FXYD7: variants seen among roughly 807,000 people sequenced by gnomAD.
The protein encoded by FXYD7 is FXYD domain-containing ion transport regulator 7.
FXYD7 carries 7 observed loss-of-function variants against 15.3 expected under a neutral mutation model. That is an observed-to-expected ratio of 0.46 (90% CI 0.26 to 0.86). The LOEUF (loss-of-function observed/expected upper bound fraction) is 0.86, where lower values mean the gene tolerates loss of function less well. FXYD7 is among the 40% of genes least tolerant of loss of function. FXYD7 has a pLI of 0.16. For missense variants in FXYD7, 78 were observed against 100.6 expected, an observed-to-expected ratio of 0.78 and a Z score of 0.96; for synonymous variants, 39 against 39.3, an observed-to-expected ratio of 0.99 and a Z score of 0.03.
In FXYD7 at chr19:35,146,551, C is replaced by T. The variant is rs991512949; in HGVS notation, c.32-2143C>T. On this transcript the variant is annotated intron_variant, in intron 1 of 5. Transcript: ENST00000270310. ...CCTTCCAGGAAATGGGGATGAAGAT[C>T]GCACCCATATGAAAGAGTTGCTATG... Among the ~76,000 whole-genome samples, 7 of 152,116 alleles carry T rather than the reference C, an allele frequency of 4.6e-5. No homozygotes were observed. The East Asian group carries it at 5.8e-4, about 13-fold the overall frequency.
chr19:35,151,417 G>C (rs775655837), intron 3 of FXYD7, 23 bp from the exon 4 acceptor site: 24 of 1,613,692 alleles, frequency 1.5e-5, no homozygotes, highest in Non-Finnish European at 2.0e-5. Flanking sequence ...CTGTCTTCTT[G>C]TTCTGTCTCT....
Position 35,154,095 on chromosome 19 carries a change from A to G in FXYD7, c.*179A>G, listed in dbSNP as rs1158768019. On this transcript the variant is annotated 3_prime_UTR_variant, in exon 6 of 6. Transcript: ENST00000270310. ...CCCTCTCCAGGCCTTGGCAATGACGATCCCCCAAAGAGCCCGTCTGCACCC... is the reference window on the plus strand; with the variant it reads ...CCCTCTCCAGGCCTTGGCAATGACGGTCCCCCAAAGAGCCCGTCTGCACCC... 3 of 583,488 alleles carry G rather than the reference A, an allele frequency of 5.1e-6. No individual in the cohort carries two copies. The highest frequency in any genetic ancestry group is 9.0e-6 in the Non-Finnish European group (3 of 334,486). The allele number at this position is 583,488 out of a possible 1,614,324, so 36.1% of individuals were successfully genotyped here.
At chr19:35,149,227 T>C (rs532712349) in intron 2 of FXYD7, 1 of 354,416 alleles carries the variant, frequency 2.8e-6, no homozygotes, top group African/African-American at 2.1e-5. Context: ...GCCTGGTAGA[T>C]CGGGCTCCAG....
At chr19:35,148,616 C>G in intron 1 of FXYD7, 78 bp from the exon 2 acceptor site, 2 of 1,270,964 alleles carry the variant, frequency 1.6e-6, no homozygotes, top group East Asian at 4.8e-5. Context: ...GTGGCTCCAT[C>G]TGGATCCTAA....
intron 1 of FXYD7, among the ~76,000 whole-genome samples, chr19:35,146,230 C>T (rs916789949): frequency 4.0e-5 from 6 of 151,684 alleles, no homozygotes; most frequent in East Asian, 1.9e-4. Flanking sequence ...CTCTGCCTCC[C>T]GGGTTCAAGC....
At chr19:35,147,765 G>A (rs889073665) in intron 1 of FXYD7, among the ~76,000 whole-genome samples, 9 of 151,884 alleles carry the variant, frequency 5.9e-5, no homozygotes, top group Non-Finnish European at 8.8e-5. Flanking sequence ...AGGCTGAGGC[G>A]GGCAGATCAT....
chr19:35,149,540 T>C (rs1272207846), intron 2 of FXYD7: 1 of 165,860 alleles, frequency 6.0e-6, no homozygotes, highest in Admixed American at 5.6e-5. Flanking sequence ...TTTATCACAA[T>C]ACGAAAGTCA....
At chr19:35,144,743 T>G (rs1250225089) in intron 1 of FXYD7, among the ~76,000 whole-genome samples, 1 of 150,258 alleles carries the variant, frequency 6.7e-6, no homozygotes, top group East Asian at 2.0e-4. Flanking sequence ...TTTGCAGAGG[T>G]GGTGGTTAGC....
At chr19:35,151,203 G>C in intron 2 of FXYD7, 51 bp from the exon 3 acceptor site, 1 of 1,202,904 alleles carries the variant, frequency 8.3e-7, no homozygotes, top group South Asian at 1.2e-5. Context: ...TGGGCTCCAG[G>C]TGCAGCCAAG....
intron 5 of FXYD7, among the ~76,000 whole-genome samples, chr19:35,152,043 GC>G (rs113001354): frequency 0.043 from 6,341 of 148,918 alleles, 399 homozygotes; most frequent in African/African-American, 0.14. Context: ...GGAGGCTGAG[GC>G]AAGAGAATCA....
At chr19:35,153,032 CCTTT>C (rs2065319483) in intron 5 of FXYD7, among the ~76,000 whole-genome samples, 1 of 59,498 alleles carries the variant, frequency 1.7e-5, no homozygotes, top group African/African-American at 7.6e-5. Flanking sequence ...GTTTCACGTT[CCTTT>C]TTTTTTTTTT....
At chr19:35,152,976 G>T in intron 5 of FXYD7, among the ~76,000 whole-genome samples, 1 of 143,026 alleles carries the variant, frequency 7.0e-6, no homozygotes, top group African/African-American at 2.6e-5. Context: ...ATGCGGGAGG[G>T]GGACACGGGT....
chr19:35,150,640 G>A (rs567724491), intron 2 of FXYD7, among the ~76,000 whole-genome samples: 2 of 152,268 alleles, frequency 1.3e-5, no homozygotes, highest in East Asian at 3.9e-4. Context: ...AAGGCCTTGG[G>A]ATAGGATCAT....
chr19:35,151,606 T>C (rs1208817103), intron 4 of FXYD7, 27 bp from the exon 5 acceptor site: 1 of 1,610,406 alleles, frequency 6.2e-7, no homozygotes, highest in Admixed American at 1.7e-5. Context: ...CTCTTTCTAC[T>C]TTTCTCTCTC....
At chr19:35,152,574 A>G (rs2065315298) in intron 5 of FXYD7, among the ~76,000 whole-genome samples, 1 of 152,158 alleles carries the variant, frequency 6.6e-6, no homozygotes, top group Non-Finnish European at 1.5e-5. Context: ...GGAAAAGAAC[A>G]TATGGGATGC....
At chr19:35,148,423 C>T (rs114501666) in intron 1 of FXYD7, among the ~76,000 whole-genome samples, 1,553 of 152,284 alleles carry the variant, frequency 0.01, 21 homozygotes, top group African/African-American at 0.031. Flanking sequence ...GGGTCCAGAA[C>T]CAGGACTGCC....
At chr19:35,150,333 G>A (rs908123326) in intron 2 of FXYD7, among the ~76,000 whole-genome samples, 14 of 152,286 alleles carry the variant, frequency 9.2e-5, no homozygotes, top group African/African-American at 3.4e-4. Context: ...AAGAGGTAGA[G>A]GCTGCAGTGA....
intron 1 of FXYD7, among the ~76,000 whole-genome samples, chr19:35,144,705 C>A (rs1176767307): frequency 6.6e-6 from 1 of 151,838 alleles, no homozygotes; most frequent in East Asian, 1.9e-4. Flanking sequence ...GCTGAGGCAG[C>A]AGGCCTGGCG....
Position 35,148,705 on chromosome 19 carries a change from C to T in FXYD7, c.43C>T (p.Pro15Ser), listed in dbSNP as rs1318455447. The T allele has an allele frequency of 1.3e-6, 2 of 1,585,356 alleles. No homozygotes were observed. Among genetic ancestry groups the T allele is most frequent in the Non-Finnish European group, 1.7e-6 (2 of 1,160,388 alleles). The change falls in exon 2 of 6, where the codon CCT becomes TCT. Residue 15 changes from proline (P) to serine (S), a missense_variant. Physicochemically the swap from Pro to Ser is moderately conservative, Grantham distance 74. Transcript: ENST00000270310. The stretch of plus-strand genomic sequence containing the variant: ...CTTCTTTCCCTCAGCTCCTGAGGAA[C>T]CTGACCCATTTTACTATGGTGAGTG... ...TQTPTKAPEE[P>S]DPFYYDYNTV...
Sources: gnomAD v4.1 joint callset for allele counts (sites outside exome capture counted in the v4.1 genomes callset) on GRCh38, gnomAD v4.1.1 for gene constraint, MANE v1.5 for transcripts, NCBI Gene and HGNC (gene_info 2026-07-23, HGNC 2026-07-21) for gene names.